PABPC1: variants seen among roughly 807,000 people sequenced by gnomAD.
PABPC1 encodes the protein poly(A) binding protein cytoplasmic 1, also known as polyadenylate-binding protein 1.
PABPC1 carries 4 observed loss-of-function variants against 74.0 expected under a neutral mutation model. The observed-to-expected ratio is 0.05, with a 90% CI of 0.03 to 0.12. The LOEUF (loss-of-function observed/expected upper bound fraction) is 0.12. Ranked by LOEUF, PABPC1 falls within the 10% of genes least tolerant of loss-of-function variation. The probability of loss-of-function intolerance (pLI) is 1.00; values close to 1 mark genes in which losing one functional copy is unlikely to be tolerated. For missense variants in PABPC1, 271 were observed against 821.1 expected, an observed-to-expected ratio of 0.33 and a Z score of 8.19; for synonymous variants, 227 against 264.1, an observed-to-expected ratio of 0.86 and a Z score of 1.36.
chr8:100,708,826 C>T (rs1016386401), intron 9 of PABPC1, among the ~76,000 whole-genome samples: 8 of 151,768 alleles, frequency 5.3e-5, no homozygotes, highest in African/African-American at 1.7e-4. Flanking sequence ...TGCAGTGAGC[C>T]GAAACTGAGC....
At position 100,709,125 on chromosome 8, in the gene PABPC1, A is replaced by G. The variant is rs1474843465; in HGVS notation, c.1336+8T>C. The G allele has an allele frequency of 6.4e-7, 1 of 1,561,746 alleles. No individual in the cohort carries two copies. Among genetic ancestry groups the G allele is most frequent in the East Asian group, 2.3e-5 (1 of 44,280 alleles). On this transcript the variant is annotated splice_region_variant and intron_variant, in intron 9 of 14. Transcript: ENST00000318607. ...TCCCCAACCTTAATTAAAAGAAAAA[A>G]GACTTACGATGAGGTCTGGCACCCT... is the stretch of plus-strand genomic sequence containing the variant.
intron 1 of PABPC1, among the ~76,000 whole-genome samples, chr8:100,719,199 G>T (rs956608840): frequency 4.6e-5 from 7 of 152,054 alleles, no homozygotes; most frequent in Non-Finnish European, 1.0e-4. Flanking sequence ...CCGAAGAGAG[G>T]GAAAACGGTC....
chr8:100,709,314 G>C (rs1810468254), intron 8 of PABPC1, 91 bp from the exon 9 acceptor site: 1 of 1,456,260 alleles, frequency 6.9e-7, no homozygotes. Flanking sequence ...ACATTTACCA[G>C]GACTTCACAC....
intron 11 of PABPC1, among the ~76,000 whole-genome samples, chr8:100,706,160 G>T (rs993273569): frequency 2.0e-5 from 3 of 152,134 alleles, no homozygotes; most frequent in African/African-American, 4.8e-5. Context: ...ATAGCTACTT[G>T]TAATAGTTGT....
intron 7 of PABPC1, among the ~76,000 whole-genome samples, chr8:100,712,009 G>A (rs1810539682): frequency 6.6e-6 from 1 of 152,202 alleles, no homozygotes; most frequent in Non-Finnish European, 1.5e-5. Flanking sequence ...AGGGGGCAGG[G>A]GAGGGAACTG....
chr8:100,713,057 C>G (rs200516130), intron 5 of PABPC1, 30 bp downstream of exon 5: 1 of 1,467,536 alleles, frequency 6.8e-7, no homozygotes, highest in Non-Finnish European at 9.4e-7. Context: ...CTTTGTACCC[C>G]CTTCTTCCTG....
In PABPC1 at chr8:100,704,340, G is replaced by T; in HGVS notation, c.1869C>A (p.Ala623=). The change falls in exon 14 of 15, where the codon GCC becomes GCA. Residue 623 remains alanine, a synonymous_variant. Coordinates refer to ENST00000318607, the MANE Select transcript of PABPC1 (RefSeq NM_002568.4). ...VLQAHQAKEA[A]QKAVNSATGV... The stretch of plus-strand genomic sequence containing the variant: ...CGGTGGCACTGTTAACTGCTTTCTG[G>T]GCAGCCTCTTTAGCTTGGTGGGCTT... The T allele has an allele frequency of 6.2e-7, 1 of 1,614,064 alleles. No homozygotes were observed. Among genetic ancestry groups the T allele is most frequent in the Non-Finnish European group, 8.5e-7 (1 of 1,179,992 alleles).
At chr8:100,709,346 A>G (rs2129696502) in intron 8 of PABPC1, 113 bp downstream of exon 8, 4 of 1,475,224 alleles carry the variant, frequency 2.7e-6, no homozygotes, top group Non-Finnish European at 3.8e-6. Context: ...TTCCTACTCA[A>G]TCATAATTCC....
chr8:100,709,814 A>G, intron 7 of PABPC1, 83 bp from the exon 8 acceptor site: 1 of 1,326,566 alleles, frequency 7.5e-7, no homozygotes, highest in Non-Finnish European at 1.0e-6. Context: ...ACAATTATAA[A>G]TCACTGAATC....
chr8:100,712,354 T>C lies in PABPC1; in HGVS notation c.972+8A>G. 2 of 1,349,284 alleles carry C rather than the reference T, an allele frequency of 1.5e-6. No homozygotes were observed. The highest frequency in any genetic ancestry group is 1.9e-4 in the Middle Eastern group (1 of 5,248). 83.6% of individuals were successfully genotyped at this position (1,349,284 alleles called of 1,614,324 possible). On this transcript the variant is annotated splice_region_variant and intron_variant, in intron 7 of 14. Coordinates refer to ENST00000318607, the MANE Select transcript of PABPC1 (RefSeq NM_002568.4). ...GACCTCAAATAAATGAACCATATGT[T>C]TTCTTACCTTTGCACTAGTGATTGT... is the stretch of plus-strand genomic sequence containing the variant.
chr8:100,705,922 C>A (rs1443885655), intron 11 of PABPC1, among the ~76,000 whole-genome samples: 1 of 152,230 alleles, frequency 6.6e-6, no homozygotes, highest in African/African-American at 2.4e-5. Flanking sequence ...AATCTTGGCT[C>A]GCTGCAACCT....
At chr8:100,719,140 T>C (rs539282114) in intron 1 of PABPC1, among the ~76,000 whole-genome samples, 4 of 152,312 alleles carry the variant, frequency 2.6e-5, no homozygotes, top group South Asian at 2.1e-4. Context: ...ACCTGTACCA[T>C]TAAAGGCTCT....
chr8:100,707,384 T>C (rs536859163), intron 9 of PABPC1, among the ~76,000 whole-genome samples: 4 of 151,638 alleles, frequency 2.6e-5, no homozygotes, highest in Admixed American at 1.3e-4. Context: ...CTGTTATTTA[T>C]TGGAAACAAA....
At chr8:100,716,660 C>A (rs1050076671) in intron 3 of PABPC1, among the ~76,000 whole-genome samples, 2 of 152,116 alleles carry the variant, frequency 1.3e-5, no homozygotes, top group Non-Finnish European at 2.9e-5. Flanking sequence ...TCATTGTGAC[C>A]ATCACTTTCT....
intron 4 of PABPC1, among the ~76,000 whole-genome samples, chr8:100,713,997 T>C (rs1380824743): frequency 6.6e-6 from 1 of 152,144 alleles, no homozygotes; most frequent in Non-Finnish European, 1.5e-5. Context: ...AGACATGTTT[T>C]CCCCTAACTC....
At chr8:100,714,299 A>T (rs750805277) in intron 4 of PABPC1, among the ~76,000 whole-genome samples, 20 of 152,400 alleles carry the variant, frequency 1.3e-4, no homozygotes, top group South Asian at 2.1e-4. Context: ...AATATATAAA[A>T]GGCAGTAGCT....
chr8:100,713,743 TC>T (rs1171861317), intron 4 of PABPC1, among the ~76,000 whole-genome samples: 1 of 152,122 alleles, frequency 6.6e-6, no homozygotes, highest in Non-Finnish European at 1.5e-5. Context: ...CTCTTTGACC[TC>T]CCCAAGCGCT....
intron 13 of PABPC1, 133 bp downstream of exon 13, chr8:100,704,793 G>A (rs1810338655): frequency 2.2e-6 from 2 of 900,298 alleles, no homozygotes; most frequent in South Asian, 3.4e-5. Flanking sequence ...TAGCGCCACA[G>A]GTTATTATGC....
intron 12 of PABPC1, among the ~76,000 whole-genome samples, chr8:100,705,382 C>T (rs1225431042): frequency 6.6e-6 from 1 of 152,172 alleles, no homozygotes; most frequent in Non-Finnish European, 1.5e-5. Flanking sequence ...TGAGTAATGC[C>T]CTACTACCCT....
Sources: allele counts gnomAD v4.1 joint callset (sites outside exome capture counted in the v4.1 genomes callset), GRCh38; gene constraint gnomAD v4.1.1; transcripts MANE v1.5; gene names NCBI Gene and HGNC (gene_info 2026-07-23, HGNC 2026-07-21).